The following DLG2 variants were observed in gnomAD, a reference collection of about 807,000 sequenced individuals.
DLG2 encodes the protein disks large homolog 2.
DLG2 carries 45 observed loss-of-function variants against 132.5 expected under a neutral mutation model. The ratio of observed to expected loss-of-function variants is 0.34; its 90% CI spans 0.27 to 0.44. The LOEUF (loss-of-function observed/expected upper bound fraction) is 0.44, where lower values mean the gene tolerates loss of function less well. DLG2 is among the 20% of genes least tolerant of loss of function. The pLI, the probability that DLG2 is intolerant of heterozygous loss-of-function variation, is 1.00. For missense variants in DLG2, 1,045 were observed against 1,196.9 expected (o/e 0.87, Z 1.87); for synonymous variants, 424 against 419.6 (o/e 1.01, Z -0.13).
chr11:84,943,571 G>A (rs1170939239), intron 6 of DLG2, among the ~76,000 whole-genome samples: 1 of 152,054 alleles, frequency 6.6e-6, no homozygotes, highest in Non-Finnish European at 1.5e-5. Context: ...TTCAACTGAT[G>A]ACAACACAAT....
chr11:84,848,568 G>A (rs1471083793), intron 6 of DLG2, among the ~76,000 whole-genome samples: 1 of 152,140 alleles, frequency 6.6e-6, no homozygotes, highest in African/African-American at 2.4e-5. Context: ...ACATGGAAGT[G>A]TATATTAGCG....
At chr11:85,234,209 T>C (rs2075456251) in intron 4 of DLG2, among the ~76,000 whole-genome samples, 1 of 151,836 alleles carries the variant, frequency 6.6e-6, no homozygotes, top group African/African-American at 2.4e-5. Flanking sequence ...GAGTCTAATA[T>C]AAGGACAGTG....
At chr11:84,919,190 T>G (rs1400565108) in intron 6 of DLG2, among the ~76,000 whole-genome samples, 1 of 152,156 alleles carries the variant, frequency 6.6e-6, no homozygotes, top group African/African-American at 2.4e-5. Flanking sequence ...ATGAGTTAAT[T>G]TGATTGAGTT....
intron 6 of DLG2, among the ~76,000 whole-genome samples, chr11:85,074,732 C>T (rs541950306): frequency 6.6e-6 from 1 of 151,994 alleles, no homozygotes; most frequent in South Asian, 2.1e-4. Context: ...ACTTGAGGCA[C>T]TGGCATATGT....
chr11:84,993,222 TG>T (rs1358831933), intron 6 of DLG2, among the ~76,000 whole-genome samples: 1 of 151,848 alleles, frequency 6.6e-6, no homozygotes. Flanking sequence ...TGAGAACACA[TG>T]GAGACAGGGA....
chr11:85,466,614 C>T (rs140030418), intron 3 of DLG2, among the ~76,000 whole-genome samples: 232 of 152,140 alleles, frequency 1.5e-3, no homozygotes, highest in Middle Eastern at 3.4e-3. Flanking sequence ...AAGATCAGAT[C>T]GTTGTAGATA....
At chr11:85,331,324 T>G (rs1437814618) in intron 3 of DLG2, among the ~76,000 whole-genome samples, 1 of 152,162 alleles carries the variant, frequency 6.6e-6, no homozygotes, top group Non-Finnish European at 1.5e-5. Flanking sequence ...CTCTTAGAGG[T>G]AAATGTATAC....
chr11:85,273,141 C>T (rs1204497336), intron 4 of DLG2, among the ~76,000 whole-genome samples: 1 of 152,024 alleles, frequency 6.6e-6, no homozygotes, highest in Non-Finnish European at 1.5e-5. Context: ...GACCTAAAAC[C>T]ATAAAAACCC....
chr11:84,450,398 C>T (rs1158407783), intron 7 of DLG2, among the ~76,000 whole-genome samples: 1 of 144,676 alleles, frequency 6.9e-6, no homozygotes, highest in Non-Finnish European at 1.5e-5. Context: ...CAGATCAGAA[C>T]AAGAAGTACT....
At position 84,533,525 on chromosome 11, in the gene DLG2, T is replaced by C. The variant is rs1040715271; in HGVS notation, c.519+1045A>G. Among the ~76,000 whole-genome samples the C allele has an allele frequency of 5.3e-5, 8 of 152,332 alleles. No homozygotes were observed. In the East Asian group the frequency reaches 1.4e-3, roughly 26 times the overall value. Reference sequence around the variant, plus strand: ...TTTATGTATTGGTAGTAGCTATAGCTAATTTATTTGCTAATACATTTTTAG... The same window carrying C: ...TTTATGTATTGGTAGTAGCTATAGCCAATTTATTTGCTAATACATTTTTAG... On this transcript the variant is annotated intron_variant, in intron 7 of 27. Transcript: ENST00000376104.
chr11:84,376,871 T>G (rs2098731442), intron 7 of DLG2, among the ~76,000 whole-genome samples: 1 of 151,888 alleles, frequency 6.6e-6, no homozygotes, highest in African/African-American at 2.4e-5. Flanking sequence ...TTTCAGAAAA[T>G]TTTCATCTGA....
chr11:83,831,532 CAG>C (rs140071758), intron 17 of DLG2, among the ~76,000 whole-genome samples: 707 of 144,668 alleles, frequency 4.9e-3, no homozygotes, highest in Admixed American at 5.1e-3. Context: ...GTGTGTATGT[CAG>C]AGAGAGAGAG....
intron 3 of DLG2, among the ~76,000 whole-genome samples, chr11:85,401,240 C>T (rs751275269): frequency 6.6e-5 from 10 of 152,042 alleles, no homozygotes; most frequent in South Asian, 2.1e-4. Context: ...ACAAAAATCA[C>T]CTGATTATCT....
intron 18 of DLG2, among the ~76,000 whole-genome samples, chr11:83,714,348 A>G (rs2086196590): frequency 6.6e-6 from 1 of 152,156 alleles, no homozygotes; most frequent in African/African-American, 2.4e-5. Context: ...CACTTAATTG[A>G]GGGCTATCAA....
At chr11:84,397,461 C>T (rs558142169) in intron 7 of DLG2, among the ~76,000 whole-genome samples, 3 of 152,270 alleles carry the variant, frequency 2.0e-5, no homozygotes, top group South Asian at 4.2e-4. Context: ...CCATTCATTG[C>T]GTTCCGGCCA....
chr11:84,938,193 C>T (rs1376400957), intron 6 of DLG2, among the ~76,000 whole-genome samples: 1 of 152,136 alleles, frequency 6.6e-6, no homozygotes, highest in African/African-American at 2.4e-5. Flanking sequence ...AACTAATGAC[C>T]TTCTTATGAA....
intron 3 of DLG2, among the ~76,000 whole-genome samples, chr11:85,309,270 T>C (rs992723669): frequency 5.3e-5 from 8 of 152,178 alleles, no homozygotes; most frequent in Admixed American, 2.6e-4. Flanking sequence ...CCAGCTCAGA[T>C]AATCCTGAGC....
intron 6 of DLG2, among the ~76,000 whole-genome samples, chr11:84,535,937 G>A (rs1476565608): frequency 7.1e-6 from 1 of 140,370 alleles, no homozygotes; most frequent in Non-Finnish European, 1.6e-5. Context: ...ATCATCAATG[G>A]TTAATTTTTT....
At chr11:85,306,469 C>A (rs1197384000) in intron 3 of DLG2, among the ~76,000 whole-genome samples, 1 of 152,216 alleles carries the variant, frequency 6.6e-6, no homozygotes, top group Non-Finnish European at 1.5e-5. Context: ...AGATTAACTA[C>A]AACCTGTCCA....
Sources: allele counts gnomAD v4.1 joint callset (sites outside exome capture counted in the v4.1 genomes callset), GRCh38; gene constraint gnomAD v4.1.1; transcripts MANE v1.5; gene names NCBI Gene and HGNC (gene_info 2026-07-23, HGNC 2026-07-21).